KLF12: variants seen among roughly 807,000 people sequenced by gnomAD.
KLF12 encodes the protein KLF transcription factor 12.
In KLF12, 9 loss-of-function variants were observed where a neutral mutation model predicts 37.8. The observed-to-expected ratio is 0.24, with a 90% CI of 0.14 to 0.42. KLF12 has a LOEUF of 0.42. Among genes scored for constraint, KLF12 ranks in the 10% least tolerant of loss-of-function variants. KLF12 has a pLI of 1.00. For synonymous variants in KLF12, 208 were observed against 202.1 expected (o/e 1.03, Z -0.25); for missense variants, 411 against 516.0 (o/e 0.80, Z 1.97).
chr13:74,146,360 A>G, the KLF12 span, among the ~76,000 whole-genome samples: 1 of 152,178 alleles, frequency 6.6e-6, no homozygotes, highest in African/African-American at 2.4e-5. Context: ...TGTAAAGAAC[A>G]TGCTGGACCA....
rs562954312 is a variant in KLF12, at chr13:73,695,881, G to A, written c.1028-210C>T. 3.3e-5 allele frequency among the ~76,000 whole-genome samples: 5 copies of A among 152,308 alleles called. No individual in the cohort carries two copies. The South Asian group carries it at 1.0e-3, about 32-fold the overall frequency. On this transcript the variant is annotated intron_variant, in intron 7 of 7. Coordinates refer to ENST00000377669, the MANE Select transcript of KLF12 (RefSeq NM_007249.5). ...GCCTGCTGTGACATCTGGCAAGCTA[G>A]TTAACACTGGTGTCCTCCATTATGA...
At chr13:73,889,265 A>T (rs1887381703) in intron 3 of KLF12, among the ~76,000 whole-genome samples, 1 of 152,238 alleles carries the variant, frequency 6.6e-6, no homozygotes, top group African/African-American at 2.4e-5. Flanking sequence ...GCATGTATGT[A>T]TATGTGTATG....
At chr13:73,711,856 T>A (rs947097209) in intron 7 of KLF12, among the ~76,000 whole-genome samples, 1 of 152,280 alleles carries the variant, frequency 6.6e-6, no homozygotes. Flanking sequence ...AAATTAAATT[T>A]AAAAACCCCT....
intron 6 of KLF12, among the ~76,000 whole-genome samples, chr13:73,738,125 A>AGG (rs1877652106): frequency 1.7e-5 from 1 of 59,870 alleles, no homozygotes; most frequent in African/African-American, 1.1e-4. Flanking sequence ...ATATATATAT[A>AGG]CACACACACA....
At chr13:73,883,339 C>T (rs1040521264) in intron 3 of KLF12, among the ~76,000 whole-genome samples, 13 of 152,138 alleles carry the variant, frequency 8.5e-5, no homozygotes, top group African/African-American at 7.2e-5. Context: ...CTTAGGAATG[C>T]GTGGCACAGT....
intron 6 of KLF12, among the ~76,000 whole-genome samples, chr13:73,732,782 C>T (rs1877165586): frequency 6.6e-6 from 1 of 152,048 alleles, no homozygotes; most frequent in South Asian, 2.1e-4. Context: ...GAGCTCCAGA[C>T]TCGTATATCT....
At chr13:73,705,958 C>T (rs1874905307) in intron 7 of KLF12, among the ~76,000 whole-genome samples, 2 of 152,138 alleles carry the variant, frequency 1.3e-5, no homozygotes, top group South Asian at 4.1e-4. Flanking sequence ...TCGAGACCAT[C>T]CTGTCCAACA....
At chr13:74,109,752 A>G (rs1035413853) in intron 1 of KLF12, among the ~76,000 whole-genome samples, 1 of 152,182 alleles carries the variant, frequency 6.6e-6, no homozygotes, top group Non-Finnish European at 1.5e-5. Flanking sequence ...CACACCAACA[A>G]TGACCACTTA....
chr13:73,778,675 G>A (rs1880776885), intron 5 of KLF12, among the ~76,000 whole-genome samples: 2 of 152,080 alleles, frequency 1.3e-5, no homozygotes, highest in African/African-American at 4.8e-5. Flanking sequence ...TGTGCTAAGA[G>A]TTTCACTAGA....
chr13:74,157,581 A>G, the KLF12 span, among the ~76,000 whole-genome samples: 15 of 152,328 alleles, frequency 9.8e-5, no homozygotes, highest in Admixed American at 9.1e-4. Flanking sequence ...GGGGAGCTCA[A>G]AGTGATCACT....
At chr13:73,698,376 G>C (rs768596513) in intron 7 of KLF12, among the ~76,000 whole-genome samples, 1 of 152,062 alleles carries the variant, frequency 6.6e-6, no homozygotes, top group Admixed American at 6.6e-5. Flanking sequence ...TAGCAAGGTA[G>C]AGATGATTTA....
intron 1 of KLF12, among the ~76,000 whole-genome samples, chr13:74,054,779 T>C (rs1257577626): frequency 1.3e-5 from 2 of 152,216 alleles, no homozygotes; most frequent in Non-Finnish European, 2.9e-5. Context: ...CTTGATAGAA[T>C]TGCTTGTACC....
At chr13:73,842,624 G>C (rs1328825933) in intron 4 of KLF12, among the ~76,000 whole-genome samples, 1 of 152,180 alleles carries the variant, frequency 6.6e-6, no homozygotes, top group Non-Finnish European at 1.5e-5. Flanking sequence ...TCAGAGACCA[G>C]ATACGTTATA....
intron 1 of KLF12, among the ~76,000 whole-genome samples, chr13:74,032,324 C>A (rs1388041108): frequency 2.0e-5 from 3 of 152,080 alleles, no homozygotes; most frequent in African/African-American, 7.2e-5. Context: ...TTATATGTAT[C>A]TAGATAATTG....
At chr13:74,172,142 G>GACAC in the KLF12 span, among the ~76,000 whole-genome samples, 3,849 of 146,000 alleles carry the variant, frequency 0.026, 108 homozygotes, top group African/African-American at 0.069. Flanking sequence ...TTTTCCTCAC[G>GACAC]ACACACACAC....
chr13:74,265,098 C>A, the KLF12 span, among the ~76,000 whole-genome samples: 94 of 152,254 alleles, frequency 6.2e-4, no homozygotes, highest in African/African-American at 2.2e-3. Context: ...ACATAGATGA[C>A]CATTTTTACT....
chr13:73,954,818 T>C (rs1471970208), intron 2 of KLF12, among the ~76,000 whole-genome samples: 1 of 152,250 alleles, frequency 6.6e-6, no homozygotes, highest in African/African-American at 2.4e-5. Context: ...TTTAGTTATA[T>C]TAAATTTTAC....
At chr13:74,200,281 G>A in the KLF12 span, among the ~76,000 whole-genome samples, 473 of 152,222 alleles carry the variant, frequency 3.1e-3, 2 homozygotes, top group African/African-American at 0.011. Context: ...GGTAGATTCA[G>A]GCATACCAGA....
chr13:73,900,764 A>G (rs997795694), intron 3 of KLF12, among the ~76,000 whole-genome samples: 1 of 152,218 alleles, frequency 6.6e-6, no homozygotes, highest in African/African-American at 2.4e-5. Flanking sequence ...TTCCTTTAAC[A>G]ATAACACTGT....
Sources: gnomAD v4.1 joint callset for allele counts (sites outside exome capture counted in the v4.1 genomes callset) on GRCh38, gnomAD v4.1.1 for gene constraint, MANE v1.5 for transcripts, NCBI Gene and HGNC (gene_info 2026-07-23, HGNC 2026-07-21) for gene names.